The following BCL2 variants were observed in gnomAD, a reference collection of about 807,000 sequenced individuals.
The protein encoded by BCL2 is apoptosis regulator Bcl-2.
Under a neutral mutation model 14.2 loss-of-function variants are expected in BCL2, and 1 was observed. The observed-to-expected ratio is 0.07, with a 90% CI of 0.02 to 0.33. The LOEUF is 0.33. Among genes scored for constraint, BCL2 ranks in the 10% least tolerant of loss-of-function variants. The pLI is 0.99. For synonymous variants in BCL2, 151 were observed against 137.2 expected, an observed-to-expected ratio of 1.10 and a Z score of -0.70; for missense variants, 247 against 305.9, an observed-to-expected ratio of 0.81 and a Z score of 1.44.
intron 2 of BCL2, among the ~76,000 whole-genome samples, chr18:63,309,689 C>T (rs1913245544): frequency 6.6e-6 from 1 of 152,130 alleles, no homozygotes; most frequent in Admixed American, 6.5e-5. Flanking sequence ...TTGCAACATC[C>T]TTTCAACATC....
chr18:63,299,352 C>T (rs1465640402), intron 2 of BCL2, among the ~76,000 whole-genome samples: 4 of 152,204 alleles, frequency 2.6e-5, no homozygotes, highest in African/African-American at 9.6e-5. Flanking sequence ...GTTGATTCTA[C>T]CTTAGAACAC....
At chr18:63,171,687 A>G (rs190788116) in intron 2 of BCL2, among the ~76,000 whole-genome samples, 1 of 152,388 alleles carries the variant, frequency 6.6e-6, no homozygotes, top group African/African-American at 2.4e-5. Context: ...GATAAAAATA[A>G]TAAATATGGC....
intron 2 of BCL2, among the ~76,000 whole-genome samples, chr18:63,205,337 T>G (rs1909807164): frequency 6.6e-6 from 1 of 152,220 alleles, no homozygotes; most frequent in Non-Finnish European, 1.5e-5. Context: ...CTCATGCATC[T>G]TTGTCTCTTC....
intron 2 of BCL2, among the ~76,000 whole-genome samples, chr18:63,135,098 C>A (rs1407593585): frequency 6.6e-6 from 1 of 152,124 alleles, no homozygotes; most frequent in East Asian, 1.9e-4. Flanking sequence ...GAAACTTTGA[C>A]AGGTAAAGCA....
chr18:63,279,541 A>G (rs1912250209), intron 2 of BCL2, among the ~76,000 whole-genome samples: 1 of 152,276 alleles, frequency 6.6e-6, no homozygotes, highest in Non-Finnish European at 1.5e-5. Flanking sequence ...AGAGTATACA[A>G]AACAACAGGA....
At chr18:63,192,773 T>A (rs1224619294) in intron 2 of BCL2, among the ~76,000 whole-genome samples, 1 of 152,164 alleles carries the variant, frequency 6.6e-6, no homozygotes, top group Non-Finnish European at 1.5e-5. Context: ...TAATACAGCT[T>A]CTCACTCCTC....
chr18:63,262,848 G>A (rs1369488286), intron 2 of BCL2, among the ~76,000 whole-genome samples: 1 of 152,158 alleles, frequency 6.6e-6, no homozygotes, highest in Admixed American at 6.5e-5. Flanking sequence ...CATCAACAAG[G>A]AATATAAAAA....
intron 2 of BCL2, among the ~76,000 whole-genome samples, chr18:63,280,532 A>G (rs1912280669): frequency 3.3e-5 from 5 of 152,360 alleles, no homozygotes; most frequent in Middle Eastern, 3.4e-3. Context: ...TTGAACAGAC[A>G]TTTCTCTAAA....
At chr18:63,201,838 G>T (rs926573277) in intron 2 of BCL2, among the ~76,000 whole-genome samples, 1 of 151,820 alleles carries the variant, frequency 6.6e-6, no homozygotes, top group African/African-American at 2.4e-5. Flanking sequence ...GGGGGTGGGG[G>T]TCTAGGGGAG....
intron 2 of BCL2, among the ~76,000 whole-genome samples, chr18:63,131,105 A>G (rs755797116): frequency 9.9e-5 from 15 of 152,260 alleles, no homozygotes; most frequent in South Asian, 2.1e-4. Flanking sequence ...CAGCCCCCCA[A>G]TGCTAACAGG....
intron 2 of BCL2, among the ~76,000 whole-genome samples, chr18:63,274,063 A>G (rs1912080355): frequency 6.6e-6 from 1 of 152,116 alleles, no homozygotes; most frequent in African/African-American, 2.4e-5. Flanking sequence ...CTCAATCCTC[A>G]TTCTTGAAGC....
At chr18:63,235,689 T>G (rs1910808909) in intron 2 of BCL2, among the ~76,000 whole-genome samples, 1 of 151,906 alleles carries the variant, frequency 6.6e-6, no homozygotes, top group South Asian at 2.1e-4. Flanking sequence ...AAAGTCTATC[T>G]CTTTTTTACA....
At chr18:63,300,763 G>C (rs571679666) in intron 2 of BCL2, among the ~76,000 whole-genome samples, 2 of 152,114 alleles carry the variant, frequency 1.3e-5, no homozygotes, top group African/African-American at 4.8e-5. Context: ...TCCAGGAGCC[G>C]TAGAGATCTT....
chr18:63,308,285 C>A (rs1913203225), intron 2 of BCL2, among the ~76,000 whole-genome samples: 1 of 152,184 alleles, frequency 6.6e-6, no homozygotes, highest in Non-Finnish European at 1.5e-5. Context: ...ACGAGGGGAT[C>A]ATTTATCCTT....
chr18:63,278,222 T>A (rs1912212016), intron 2 of BCL2, among the ~76,000 whole-genome samples: 1 of 152,058 alleles, frequency 6.6e-6, no homozygotes, highest in Non-Finnish European at 1.5e-5. Context: ...TTGTAGATCT[T>A]GATAAACTTA....
At chr18:63,197,801 TAGTC>T (rs1909490045) in intron 2 of BCL2, among the ~76,000 whole-genome samples, 1 of 152,156 alleles carries the variant, frequency 6.6e-6, no homozygotes, top group Admixed American at 6.5e-5. Flanking sequence ...AAAAGCATGT[TAGTC>T]AGACATTGAG....
At chr18:63,310,863 C>T (rs1913296089) in intron 2 of BCL2, among the ~76,000 whole-genome samples, 1 of 152,148 alleles carries the variant, frequency 6.6e-6, no homozygotes, top group African/African-American at 2.4e-5. Flanking sequence ...CTTTGTCTCC[C>T]TGTTCTTATA....
chr18:63,317,902 G>A (rs902287610), intron 2 of BCL2, 180 bp downstream of exon 2: 2 of 1,426,878 alleles, frequency 1.4e-6, no homozygotes, highest in Non-Finnish European at 1.8e-6. Context: ...GGCGTTATCG[G>A]TCAGGTTGGG....
intron 2 of BCL2, among the ~76,000 whole-genome samples, chr18:63,260,497 C>T (rs1911623806): frequency 6.6e-6 from 1 of 152,152 alleles, no homozygotes; most frequent in Admixed American, 6.5e-5. Flanking sequence ...AAGGAGCTGC[C>T]CTGTCCATGA....
Sources: allele counts gnomAD v4.1 joint callset (sites outside exome capture counted in the v4.1 genomes callset), GRCh38; gene constraint gnomAD v4.1.1; transcripts MANE v1.5; gene names NCBI Gene and HGNC (gene_info 2026-07-23, HGNC 2026-07-21).